The following SMPD3 variants were observed in gnomAD, a reference collection of about 807,000 sequenced individuals.
SMPD3 encodes the protein nSMase-2.
SMPD3 carries 21 observed loss-of-function variants against 55.7 expected under a neutral mutation model. That is an observed-to-expected ratio of 0.38 (90% CI 0.27 to 0.54). The LOEUF (loss-of-function observed/expected upper bound fraction) is 0.54. Among genes scored for constraint, SMPD3 ranks in the 20% least tolerant of loss-of-function variants. The pLI is 0.80. For synonymous variants in SMPD3, 457 were observed against 404.3 expected (o/e 1.13, Z -1.56); for missense variants, 842 against 899.6 (o/e 0.94, Z 0.82).
chr16:68,437,565 C>T (rs573355301), intron 1 of SMPD3, among the ~76,000 whole-genome samples: 1 of 152,310 alleles, frequency 6.6e-6, no homozygotes, highest in South Asian at 2.1e-4. Flanking sequence ...TGGAGAGCAT[C>T]TGGAATCCTA....
At chr16:68,421,339 T>C (rs566888020) in intron 1 of SMPD3, among the ~76,000 whole-genome samples, 51 of 152,268 alleles carry the variant, frequency 3.3e-4, no homozygotes, top group African/African-American at 1.2e-3. Flanking sequence ...AGAGACTGTG[T>C]AACTCAAGGT....
chr16:68,390,906 G>A (rs1408735262), intron 1 of SMPD3, among the ~76,000 whole-genome samples: 1 of 152,138 alleles, frequency 6.6e-6, no homozygotes. Context: ...GATGGCTGGT[G>A]AGAGGAGCTA....
At chr16:68,427,084 C>T (rs1672016719) in intron 1 of SMPD3, among the ~76,000 whole-genome samples, 1 of 148,870 alleles carries the variant, frequency 6.7e-6, no homozygotes, top group African/African-American at 2.5e-5. Context: ...GCAACCTCCA[C>T]CTCCGGGGTT....
chr16:68,405,569 AAAAG>A (rs1300405850), intron 1 of SMPD3, among the ~76,000 whole-genome samples: 2 of 146,060 alleles, frequency 1.4e-5, no homozygotes, highest in Non-Finnish European at 3.0e-5. Context: ...AAAAAAAAAG[AAAAG>A]AAAAGAAAAT....
chr16:68,380,935 G>A (rs1441897309), intron 2 of SMPD3, among the ~76,000 whole-genome samples: 1 of 152,254 alleles, frequency 6.6e-6, no homozygotes, highest in Admixed American at 6.5e-5. Flanking sequence ...AGAGAACACA[G>A]ATTAAGACGA....
chr16:68,377,314 G>A (rs2089840578), intron 2 of SMPD3, among the ~76,000 whole-genome samples: 1 of 152,176 alleles, frequency 6.6e-6, no homozygotes, highest in African/African-American at 2.4e-5. Context: ...AAGTCCAGCT[G>A]TGAGGGGATG....
In SMPD3 at chr16:68,447,105, C is replaced by T. The variant is rs894769207; in HGVS notation, c.-269+1248G>A. ...AGCCCCCCCTCCGCGGCCGCGCCCC[C>T]CGCCCAGCCCGCGGCGCAGGCCTGC... is the stretch of plus-strand genomic sequence containing the variant. On this transcript the variant is annotated intron_variant, in intron 1 of 8. Coordinates refer to ENST00000219334, the MANE Select transcript of SMPD3 (RefSeq NM_018667.4). The surrounding 1 kb of genome is among the most constrained non-coding windows in gnomAD (Gnocchi z 5.1). 6.6e-6 allele frequency among the ~76,000 whole-genome samples: 1 copy of T among 152,020 alleles called. No homozygotes were observed. Among genetic ancestry groups the T allele is most frequent in the East Asian group, 1.9e-4 (1 of 5,136 alleles).
intron 3 of SMPD3, among the ~76,000 whole-genome samples, chr16:68,365,654 G>A (rs916307752): frequency 2.0e-5 from 3 of 152,206 alleles, no homozygotes; most frequent in Admixed American, 1.3e-4. Context: ...CCGTGGTCCC[G>A]TTGTCACCCG....
intron 1 of SMPD3, among the ~76,000 whole-genome samples, chr16:68,420,546 T>G (rs1443460576): frequency 6.6e-6 from 1 of 152,218 alleles, no homozygotes; most frequent in East Asian, 1.9e-4. Context: ...GGCGTTTTAT[T>G]GCCTCAACTT....
intron 2 of SMPD3, among the ~76,000 whole-genome samples, 170 bp from the exon 3 acceptor site, chr16:68,372,557 C>G (rs1008103933): frequency 1.3e-5 from 2 of 152,230 alleles, no homozygotes; most frequent in African/African-American, 4.8e-5. Flanking sequence ...GAGACAGCCC[C>G]CGCACACCGC....
In SMPD3 at chr16:68,375,594, T is replaced by C. The variant is rs373704403; in HGVS notation, c.-206-3207A>G. ...ATCAGGGCTGGGATCTGCTATTGGC[T>C]GAGATGGGGCTATGGAGGGTGTAGA... On this transcript the variant is annotated intron_variant, in intron 2 of 8. Transcript: ENST00000219334. 4.3e-3 allele frequency among the ~76,000 whole-genome samples: 653 copies of C among 152,262 alleles called. 7 individuals are homozygous for C. The highest frequency in any genetic ancestry group is 0.015 in the African/African-American group (605 of 41,548).
intron 1 of SMPD3, among the ~76,000 whole-genome samples, chr16:68,430,915 A>G (rs1440156450): frequency 6.6e-6 from 1 of 152,136 alleles, no homozygotes; most frequent in Non-Finnish European, 1.5e-5. Context: ...GACATGCCCT[A>G]TTGAATCATT....
intron 1 of SMPD3, among the ~76,000 whole-genome samples, chr16:68,435,286 G>A (rs917563091): frequency 1.3e-5 from 2 of 152,202 alleles, no homozygotes; most frequent in Non-Finnish European, 2.9e-5. Flanking sequence ...TCTCAGCTGG[G>A]AAACTTCCTG....
chr16:68,364,048 C>G (rs1457201839), intron 5 of SMPD3, among the ~76,000 whole-genome samples, 182 bp from the exon 6 acceptor site: 1 of 152,134 alleles, frequency 6.6e-6, no homozygotes, highest in African/African-American at 2.4e-5. Flanking sequence ...CGCTGCTTTT[C>G]TGTGTCCTTG....
intron 1 of SMPD3, among the ~76,000 whole-genome samples, chr16:68,390,271 G>A (rs548576183): frequency 6.6e-6 from 1 of 152,242 alleles, no homozygotes; most frequent in Non-Finnish European, 1.5e-5. Flanking sequence ...GCTTTTGGCA[G>A]GTTTTGGCTA....
At chr16:68,362,444 A>G (rs1255491411) in intron 7 of SMPD3, among the ~76,000 whole-genome samples, 1 of 152,214 alleles carries the variant, frequency 6.6e-6, no homozygotes, top group Non-Finnish European at 1.5e-5. Context: ...GCCCTGAGAC[A>G]AGCAGTATGC....
chr16:68,421,803 C>T (rs1288608334), intron 1 of SMPD3, among the ~76,000 whole-genome samples: 1 of 152,164 alleles, frequency 6.6e-6, no homozygotes, highest in Admixed American at 6.5e-5. Flanking sequence ...CTTAGGGGTC[C>T]AGTGGCCTGC....
In SMPD3 at chr16:68,413,212, C is replaced by T. The variant is rs534607928; in HGVS notation, c.-268-26553G>A. Among the ~76,000 whole-genome samples, 3 of 152,358 alleles carry T rather than the reference C, an allele frequency of 2.0e-5. No individual in the cohort carries two copies. In the South Asian group the frequency reaches 6.2e-4, roughly 32 times the overall value. ...GTGATGGCTGTCACTGTCCCATCAG[C>T]TCACTGTGGGGACCGATTTTCTGCC... On this transcript the variant is annotated intron_variant, in intron 1 of 8. Coordinates refer to ENST00000219334, the MANE Select transcript of SMPD3 (RefSeq NM_018667.4).
In SMPD3 at chr16:68,371,960, C is replaced by G; in HGVS notation, c.222G>C (p.Ser74=). Residue 74 remains serine, a synonymous_variant, in exon 3 of 9, where the codon TCG becomes TCC. Transcript: ENST00000219334. The part of the protein sequence containing the change: ...TPIYLALLVA[S]LPFAFLGFLF... ...GAAAGCCGAGAAACGCAAAGGGCAGCGAGGCCACCAGGAGGGCCAGGTAGA... is the reference window on the plus strand; with the variant it reads ...GAAAGCCGAGAAACGCAAAGGGCAGGGAGGCCACCAGGAGGGCCAGGTAGA... The G allele has an allele frequency of 6.2e-7, 1 of 1,612,206 alleles. No homozygotes were observed.
Sources: gnomAD v4.1 joint callset for allele counts (sites outside exome capture counted in the v4.1 genomes callset) on GRCh38, gnomAD v4.1.1 for gene constraint, Gnocchi (gnomAD v3.1) non-coding constraint, MANE v1.5 for transcripts, NCBI Gene and HGNC (gene_info 2026-07-23, HGNC 2026-07-21) for gene names.